The following MYO9B variants were observed in gnomAD, a reference collection of about 807,000 sequenced individuals.
The protein encoded by MYO9B is unconventional myosin-IXb.
Under a neutral mutation model 229.5 loss-of-function variants are expected in MYO9B, and 71 were observed. The observed-to-expected ratio is 0.31, with a 90% confidence interval of 0.26 to 0.38. MYO9B has a LOEUF of 0.38. Among genes scored for constraint, MYO9B ranks in the 10% least tolerant of loss-of-function variants. The pLI is 1.00. For synonymous variants in MYO9B, 1,185 were observed against 1,235.8 expected, an observed-to-expected ratio of 0.96 and a Z score of 0.86; for missense variants, 2,255 against 2,920.5, an observed-to-expected ratio of 0.77 and a Z score of 5.25.
intron 2 of MYO9B, among the ~76,000 whole-genome samples, chr19:17,131,456 A>T (rs2072195252): frequency 6.6e-6 from 1 of 152,170 alleles, no homozygotes; most frequent in African/African-American, 2.4e-5. Flanking sequence ...TTTCGTAGAG[A>T]CAGGGTTTCA....
At chr19:17,093,858 AATTTATTT>A (rs202021707) in intron 1 of MYO9B, among the ~76,000 whole-genome samples, 66 of 145,662 alleles carry the variant, frequency 4.5e-4, no homozygotes, top group South Asian at 1.8e-3. Flanking sequence ...ATGCCCAGCT[AATTTATTT>A]ATTTATTTAT....
At chr19:17,179,445 T>A (rs561892022) in intron 14 of MYO9B, among the ~76,000 whole-genome samples, 9,957 of 114,816 alleles carry the variant, frequency 0.087, 750 homozygotes, top group African/African-American at 0.25. Flanking sequence ...TTTTTTTTTT[T>A]AGACAGAGTC....
chr19:17,096,102 T>G (rs1349874435), intron 1 of MYO9B, among the ~76,000 whole-genome samples: 1 of 152,152 alleles, frequency 6.6e-6, no homozygotes, highest in Non-Finnish European at 1.5e-5. Flanking sequence ...GCCCAACAAT[T>G]CTGAATTGGT....
chr19:17,209,684 G>A lies in MYO9B; in HGVS notation c.5723G>A (p.Arg1908Lys), dbSNP rs2073203567. 1 of 1,613,632 alleles carries A rather than the reference G, an allele frequency of 6.2e-7. No individual in the cohort carries two copies. Among genetic ancestry groups the A allele is most frequent in the African/African-American group, 1.3e-5 (1 of 75,078 alleles). ...GCTGCAGAGAGTATCGCCTTCCGCA[G>A]GCTTTCGCTCCTGCGACAAAATGCT... Reference protein sequence around the residue: ...LEAAESIAFRRLSLLRQNAPW... With the variant: ...LEAAESIAFRKLSLLRQNAPW... The change falls in exon 36 of 40, where the codon AGG becomes AAG. Residue 1908 changes from arginine (R) to lysine (K), a missense_variant. Around this residue, in one of 7 missense-constraint regions of MYO9B, gnomAD observed 416 missense variants for 605.5 expected, o/e 0.69. Transcript: ENST00000682292.
At chr19:17,197,110 T>C (rs1353539437) in intron 22 of MYO9B, among the ~76,000 whole-genome samples, 1 of 151,920 alleles carries the variant, frequency 6.6e-6, no homozygotes, top group Non-Finnish European at 1.5e-5. Flanking sequence ...ACCCCGTCTC[T>C]ACTAAAAATA....
At chr19:17,118,486 A>C (rs2145113608) in intron 2 of MYO9B, among the ~76,000 whole-genome samples, 1 of 151,168 alleles carries the variant, frequency 6.6e-6, no homozygotes, top group Non-Finnish European at 1.5e-5. Context: ...TTATTTATTT[A>C]TTTTTATTTT....
At chr19:17,131,911 ACT>A (rs2072201354) in intron 2 of MYO9B, among the ~76,000 whole-genome samples, 1 of 151,714 alleles carries the variant, frequency 6.6e-6, no homozygotes, top group Admixed American at 6.6e-5. Context: ...ACAGGGTCTC[ACT>A]CTGTCGTCTA....
intron 1 of MYO9B, among the ~76,000 whole-genome samples, chr19:17,083,808 G>A (rs568515924): frequency 3.3e-5 from 5 of 151,888 alleles, no homozygotes; most frequent in Non-Finnish European, 7.4e-5. Context: ...CCGCTACCAC[G>A]CCCAGCTAAT....
rs772148498 is a variant in MYO9B, at chr19:17,191,045, C to T, written c.2689-52C>T. ...GGTCACCAGATCTCTGTCTCCTCATCGCTGGCCAGAACACTCACCTAGATT... is the reference window on the plus strand; with the variant it reads ...GGTCACCAGATCTCTGTCTCCTCATTGCTGGCCAGAACACTCACCTAGATT... On this transcript the variant is annotated intron_variant, in intron 19 of 39. Transcript: ENST00000682292. 17 of 1,571,752 alleles carry T rather than the reference C, an allele frequency of 1.1e-5. No homozygotes were observed. The Middle Eastern group carries it at 2.0e-3, about 186-fold the overall frequency.
rs2072785277 is a variant in MYO9B at position 17,176,081 on chromosome 19, G to A, written c.2219+340G>A. Among the ~76,000 whole-genome samples the A allele has an allele frequency of 2.0e-5, 3 of 152,178 alleles. No individual in the cohort carries two copies. The South Asian group carries it at 6.2e-4, about 31-fold the overall frequency. ...GTCTTGCTCTGTTGCCCAGGCTGGA[G>A]TGCAGTGGCGTGATCTCGGCTCACT... is the stretch of plus-strand genomic sequence containing the variant. On this transcript the variant is annotated intron_variant, in intron 14 of 39. Coordinates refer to ENST00000682292, the MANE Select transcript of MYO9B (RefSeq NM_004145.4).
At chr19:17,197,431 G>GATAGATAGATAC (rs1209983751) in intron 22 of MYO9B, among the ~76,000 whole-genome samples, 6 of 88,280 alleles carry the variant, frequency 6.8e-5, no homozygotes, top group African/African-American at 2.4e-4. Context: ...TAGATAGATA[G>GATAGATAGATAC]ATAGATAGAT....
rs548088022 is a variant in MYO9B at position 17,110,098 on chromosome 19, G to A, written c.840+7541G>A. Among the ~76,000 whole-genome samples, 6 of 152,290 alleles carry A rather than the reference G, an allele frequency of 3.9e-5. No individual in the cohort carries two copies. In the South Asian group the frequency reaches 6.2e-4, roughly 16 times the overall value. Reference sequence around the variant, plus strand: ...GGAGATCAGCACAACTCGCTGCATCGATTGGGGATTTTTTCTCAGCTCCCC... The same window carrying A: ...GGAGATCAGCACAACTCGCTGCATCAATTGGGGATTTTTTCTCAGCTCCCC... On this transcript the variant is annotated intron_variant, in intron 2 of 39. Transcript: ENST00000682292.
At chr19:17,186,455 C>T (rs1439173386) in intron 18 of MYO9B, among the ~76,000 whole-genome samples, 1 of 152,152 alleles carries the variant, frequency 6.6e-6, no homozygotes, top group Admixed American at 6.5e-5. Flanking sequence ...AGGTCCACTC[C>T]ATCCCTGGGA....
intron 2 of MYO9B, among the ~76,000 whole-genome samples, chr19:17,121,575 G>A (rs2057965844): frequency 1.3e-5 from 2 of 152,148 alleles, no homozygotes; most frequent in African/African-American, 2.4e-5. Context: ...TTTACAGAGA[G>A]AGGCAGTGGC....
chr19:17,123,661 A>G (rs4570994), intron 2 of MYO9B, among the ~76,000 whole-genome samples: 115,540 of 151,956 alleles, frequency 0.76, 44,929 homozygotes, highest in African/African-American at 0.93. Flanking sequence ...CGTCTGTCAC[A>G]GCCTCCCAAA....
In MYO9B at chr19:17,109,456, C is replaced by T. The variant is rs148557019; in HGVS notation, c.840+6899C>T. The stretch of plus-strand genomic sequence containing the variant: ...TTCCTCCATCATCTCTAATCCCTCA[C>T]GGCAGCTCTGCCCATTTTAAAGATG... On this transcript the variant is annotated intron_variant, in intron 2 of 39. Coordinates refer to ENST00000682292, the MANE Select transcript of MYO9B (RefSeq NM_004145.4). 2.9e-3 allele frequency among the ~76,000 whole-genome samples: 445 copies of T among 152,258 alleles called. 1 individual carries two copies. Among genetic ancestry groups the T allele is most frequent in the African/African-American group, 0.01 (418 of 41,548 alleles).
At chr19:17,174,761 C>T (rs145276179) in intron 13 of MYO9B, among the ~76,000 whole-genome samples, 9,517 of 151,716 alleles carry the variant, frequency 0.063, 379 homozygotes, top group Non-Finnish European at 0.094. Context: ...AGTGAAACCC[C>T]GTCTCTAGTA....
chr19:17,121,058 T>G (rs892437294), intron 2 of MYO9B, among the ~76,000 whole-genome samples: 6 of 152,186 alleles, frequency 3.9e-5, no homozygotes, highest in African/African-American at 1.4e-4. Context: ...TCCTCCCACC[T>G]TAGCCTCCCA....
At chr19:17,185,763 T>A (rs984073495) in intron 17 of MYO9B, among the ~76,000 whole-genome samples, 158 bp from the exon 18 acceptor site, 18 of 152,054 alleles carry the variant, frequency 1.2e-4, no homozygotes, top group African/African-American at 4.3e-4. Context: ...GGTCAGAACG[T>A]CCAGCTGGAA....
Sources: gnomAD v4.1 joint callset for allele counts (sites outside exome capture counted in the v4.1 genomes callset) on GRCh38, gnomAD v4.1.1 for gene constraint, gnomAD v4.1.1 regional missense constraint, MANE v1.5 for transcripts, NCBI Gene and HGNC (gene_info 2026-07-23, HGNC 2026-07-21) for gene names.